The following TRIL variants were observed in gnomAD, a reference collection of about 807,000 sequenced individuals.
TRIL encodes the protein TLR4 interactor with leucine rich repeats.
TRIL carries 23 observed loss-of-function variants against 43.0 expected under a neutral mutation model. The observed-to-expected ratio is 0.54, with a 90% CI of 0.39 to 0.76. The LOEUF is 0.76. TRIL is among the 30% of genes least tolerant of loss of function. The probability of loss-of-function intolerance (pLI) is 0.00; values close to 1 mark genes in which losing one functional copy is unlikely to be tolerated. For synonymous variants in TRIL, 602 were observed against 556.8 expected (o/e 1.08, Z -1.14); for missense variants, 1,114 against 1,139.3 (o/e 0.98, Z 0.32).
In TRIL at chr7:28,957,539, G is replaced by A. The variant is rs564396786; in HGVS notation, c.508C>T (p.Leu170=). The part of the protein sequence containing the change: ...LRLDGNALGA[L]PDAVFAPLGN... ...AAGGGAGCGAAGACCGCGTCCGGCA[G>A]CGCCCCCAGGGCGTTCCCGTCCAGC... is the stretch of plus-strand genomic sequence containing the variant. Residue 170 remains leucine, a synonymous_variant, in exon 1 of 1, where the codon CTG becomes TTG. Transcript: ENST00000539664. 2 of 1,612,950 alleles carry A rather than the reference G, an allele frequency of 1.2e-6. No homozygotes were observed. The highest frequency in any genetic ancestry group is 2.2e-5 in the South Asian group (2 of 91,056).
Position 28,957,952 on chromosome 7 carries a change from T to G in TRIL, c.95A>C (p.Asp32Ala). ...CAGGAGATGCTGGGGATGCTGGCAGTCGCAGCGCTCCGGGCACACGGGCTC... is the reference window on the plus strand; with the variant it reads ...CAGGAGATGCTGGGGATGCTGGCAGGCGCAGCGCTCCGGGCACACGGGCTC... ...LAEPVCPERC[D>A]CQHPQHLLCT... Residue 32 changes from aspartate to alanine, a missense_variant, in exon 1 of 1, where the codon GAC (aspartate) becomes GCC (alanine). Coordinates refer to ENST00000539664, the MANE Select transcript of TRIL (RefSeq NM_014817.4). 1.2e-6 allele frequency: 2 copies of G among 1,606,948 alleles called. No homozygotes were observed. Among genetic ancestry groups the G allele is most frequent in the South Asian group, 1.1e-5 (1 of 91,066 alleles).
rs1455286936 is a variant in TRIL at position 28,954,707 on chromosome 7, G to A, written c.*904C>T. The stretch of plus-strand genomic sequence containing the variant: ...ATGTGGTAAGTGAACTGGAACACTG[G>A]TGTTCCCCAGTGGGTCATCAGCTAC... On this transcript the variant is annotated 3_prime_UTR_variant, in exon 1 of 1. Transcript: ENST00000539664. The A allele has an allele frequency of 6.6e-6, 1 of 152,136 alleles. No homozygotes were observed. Among genetic ancestry groups the A allele is most frequent in the Non-Finnish European group, 1.5e-5 (1 of 68,024 alleles). 9.4% of individuals were successfully genotyped at this position (152,136 alleles called of 1,614,324 possible).
rs1018839868 is a variant in TRIL, at chr7:28,958,305, T to G, written c.-259A>C. The G allele has an allele frequency of 4.5e-6, 2 of 440,038 alleles. No homozygotes were observed. Among genetic ancestry groups the G allele is most frequent in the African/African-American group, 4.1e-5 (2 of 48,538 alleles). The allele number at this position is 440,038 out of a possible 1,614,324, so 27.3% of individuals were successfully genotyped here. A position where few individuals can be genotyped will look rare whatever the true frequency, so the allele number is the denominator to read the frequency against. ...TGTTGCATTTCTGTATAAAACTGTT[T>G]CTCCGGGTGCGCGTCGGCGGGCGGG... On this transcript the variant is annotated 5_prime_UTR_variant, in exon 1 of 1. Transcript: ENST00000539664.
Position 28,955,485 on chromosome 7 carries a change from G to T in TRIL, c.*126C>A. On this transcript the variant is annotated 3_prime_UTR_variant, in exon 1 of 1. Transcript: ENST00000539664. ...GGAATTGGGGGATGGTGCCCGAATT[G>T]GCCCTCTGTCCCCACCGGCCTCTCT... 7.5e-7 allele frequency: 1 copy of T among 1,329,426 alleles called. No individual in the cohort carries two copies. The highest frequency in any genetic ancestry group is 9.9e-7 in the Non-Finnish European group (1 of 1,006,390). The allele number at this position is 1,329,426 out of a possible 1,614,324, so 82.4% of individuals were successfully genotyped here. A position where few individuals can be genotyped will look rare whatever the true frequency, so the allele number is the denominator to read the frequency against.
chr7:28,956,468 G>T lies in TRIL; in HGVS notation c.1579C>A (p.Leu527Ile). Residue 527 changes from leucine (L) to isoleucine (I), a missense_variant, in exon 1 of 1, where the codon CTC becomes ATC. Transcript: ENST00000539664. ...GAGGCCGTTGGGGTGGGCTCCGCGA[G>T]GGCGGGATCTGCCCGAGTCGGACGG... ...RGRPTRADPA[L>I]AEPTPTASPG... The T allele has an allele frequency of 6.4e-7, 1 of 1,553,026 alleles. No individual in the cohort carries two copies. Among genetic ancestry groups the T allele is most frequent in the East Asian group, 2.4e-5 (1 of 41,968 alleles).
In TRIL at chr7:28,955,837, T is replaced by C. The variant is rs552268645; in HGVS notation, c.2210A>G (p.His737Arg). The change falls in exon 1 of 1, where the codon CAC becomes CGC. Residue 737 changes from histidine (H) to arginine (R), a missense_variant. By Grantham distance (29) the His-to-Arg change is conservative (BLOSUM62 0). Coordinates refer to ENST00000539664, the MANE Select transcript of TRIL (RefSeq NM_014817.4). ...RARRKGGAPV[H>R]VRHMYSTRRP... ...TCGGGTGGAGTACATGTGCCGAACG[T>C]GGACCGGGGCCCCGCCCTTCCGCCT... 1.8e-4 allele frequency: 273 copies of C among 1,549,772 alleles called. 2 individuals are homozygous for C. Among genetic ancestry groups the C allele is most frequent in the South Asian group, 1.4e-3 (115 of 83,994 alleles).
chr7:28,956,733 C>A lies in TRIL; in HGVS notation c.1314G>T (p.Glu438Asp). Residue 438 changes from glutamate to aspartate, a missense_variant, in exon 1 of 1, where the codon GAG becomes GAT. Coordinates refer to ENST00000539664, the MANE Select transcript of TRIL (RefSeq NM_014817.4). The part of the protein sequence containing the change: ...RRQPLPTAAG[E>D]EMTPPAGLAE... ...CGAGACCTGCAGGTGGCGTCATCTC[C>A]TCCCCTGCGGCCGTGGGTAGGGGCT... 1 of 1,605,600 alleles carries A rather than the reference C, an allele frequency of 6.2e-7. No individual in the cohort carries two copies. The highest frequency in any genetic ancestry group is 8.5e-7 in the Non-Finnish European group (1 of 1,178,760).
In TRIL at chr7:28,958,278, C is replaced by T. The variant is rs555045239; in HGVS notation, c.-232G>A. Reference sequence around the variant, plus strand: ...GGCGCTCTGCAGACCCCGGGTACTACTTGTTGCATTTCTGTATAAAACTGT... The same window carrying T: ...GGCGCTCTGCAGACCCCGGGTACTATTTGTTGCATTTCTGTATAAAACTGT... On this transcript the variant is annotated 5_prime_UTR_variant, in exon 1 of 1. Coordinates refer to ENST00000539664, the MANE Select transcript of TRIL (RefSeq NM_014817.4). 102 of 531,534 alleles carry T rather than the reference C, an allele frequency of 1.9e-4. 1 individual carries two copies. The South Asian group carries it at 2.8e-3, about 15-fold the overall frequency. The allele number at this position is 531,534 out of a possible 1,614,324, so 32.9% of individuals were successfully genotyped here.
At position 28,956,255 on chromosome 7, in the gene TRIL, C is replaced by G; in HGVS notation, c.1792G>C (p.Asp598His). 2 of 1,547,172 alleles carry G rather than the reference C, an allele frequency of 1.3e-6. No individual in the cohort carries two copies. The highest frequency in any genetic ancestry group is 2.4e-5 in the East Asian group (1 of 41,648). The change falls in exon 1 of 1, where the codon GAC (aspartate) becomes CAC (histidine). Residue 598 changes from aspartate (D) to histidine (H), a missense_variant. Coordinates refer to ENST00000539664, the MANE Select transcript of TRIL (RefSeq NM_014817.4). ...CNLTVEAVGA[D>H]SASVRWAVRE... Reference sequence around the variant, plus strand: ...ACGGCCCAGCGCACCGAGGCGCTGTCTGCGCCCACCGCCTCCACCGTCAGG... The same window carrying G: ...ACGGCCCAGCGCACCGAGGCGCTGTGTGCGCCCACCGCCTCCACCGTCAGG...
In TRIL at chr7:28,955,686, G is replaced by A. The variant is rs1255557011; in HGVS notation, c.2361C>T (p.Phe787=). ...CCGCGCCGCCGCCCGCACTGTCCAT[G>A]AAGCGGTCGCAGGGGAATTCGATGA... ...ADLIEFPCDR[F]MDSAGGGAGG... is the part of the protein sequence containing the mutation. Residue 787 remains phenylalanine, a synonymous_variant, in exon 1 of 1, where the codon TTC becomes TTT. Transcript: ENST00000539664. 1 of 1,549,392 alleles carries A rather than the reference G, an allele frequency of 6.5e-7. No individual in the cohort carries two copies. The highest frequency in any genetic ancestry group is 8.7e-7 in the Non-Finnish European group (1 of 1,146,806).
In TRIL at chr7:28,958,160, C is replaced by T. The variant is rs538903688; in HGVS notation, c.-114G>A. The T allele has an allele frequency of 1.5e-6, 2 of 1,357,922 alleles. No homozygotes were observed. Among genetic ancestry groups the T allele is most frequent in the South Asian group, 1.6e-5 (1 of 62,218 alleles). The allele number at this position is 1,357,922 out of a possible 1,614,324, so 84.1% of individuals were successfully genotyped here. On this transcript the variant is annotated 5_prime_UTR_variant, in exon 1 of 1. Coordinates refer to ENST00000539664, the MANE Select transcript of TRIL (RefSeq NM_014817.4). ...TCGCTAAATGGCCTCTTTCGGACTT[C>T]GCAGCGCCGTCCAGCCCCTCCTCCG...
chr7:28,957,456 G>A lies in TRIL; in HGVS notation c.591C>T (p.Asn197=), dbSNP rs374344623. 65 of 1,613,256 alleles carry A rather than the reference G, an allele frequency of 4.0e-5. No individual in the cohort carries two copies. The highest frequency in any genetic ancestry group is 5.1e-5 in the Non-Finnish European group (60 of 1,179,874). ...ESNRIRFLGK[N]AFAQLGKLRF... The stretch of plus-strand genomic sequence containing the variant: ...GCAGCTTGCCTAGCTGGGCGAAGGC[G>A]TTCTTGCCCAGAAAGCGGATCCGGT... The change falls in exon 1 of 1, where the codon AAC becomes AAT. Residue 197 remains asparagine, a synonymous_variant. Transcript: ENST00000539664.
At position 28,954,189 on chromosome 7, in the gene TRIL, G is replaced by A. The variant is rs1783362843; in HGVS notation, c.*1422C>T. On this transcript the variant is annotated 3_prime_UTR_variant, in exon 1 of 1. Coordinates refer to ENST00000539664, the MANE Select transcript of TRIL (RefSeq NM_014817.4). ...AACCACTACACTTAGTGATAAACATGTACTTCATAAATAGCAGGGAATGAA... is the reference window on the plus strand; with the variant it reads ...AACCACTACACTTAGTGATAAACATATACTTCATAAATAGCAGGGAATGAA... 1 of 152,498 alleles carries A rather than the reference G, an allele frequency of 6.6e-6. No homozygotes were observed. Among genetic ancestry groups the A allele is most frequent in the Non-Finnish European group, 1.5e-5 (1 of 68,030 alleles). The allele number at this position is 152,498 out of a possible 1,614,324, so 9.4% of individuals were successfully genotyped here. A position where few individuals can be genotyped will look rare whatever the true frequency, so the allele number is the denominator to read the frequency against.
In TRIL at chr7:28,956,391, C is replaced by T; in HGVS notation, c.1656G>A (p.Lys552=). The T allele has an allele frequency of 6.5e-7, 1 of 1,535,286 alleles. No individual in the cohort carries two copies. The highest frequency in any genetic ancestry group is 8.7e-7 in the Non-Finnish European group (1 of 1,146,824). ...PAGDPWQRAT[K]HRLGTEHQER... ...CCTGGTGCTCCGTGCCCAGACGATG[C>T]TTCGTCGCGCGCTGCCAGGGGTCGC... is the stretch of plus-strand genomic sequence containing the variant. Residue 552 remains lysine, a synonymous_variant, in exon 1 of 1, where the codon AAG becomes AAA. Transcript: ENST00000539664.
Position 28,958,146 on chromosome 7 carries a change from C to T in TRIL, c.-100G>A. 7.1e-7 allele frequency: 1 copy of T among 1,405,028 alleles called. No homozygotes were observed. Among genetic ancestry groups the T allele is most frequent in the Non-Finnish European group, 9.3e-7 (1 of 1,071,878 alleles). 87.0% of individuals were successfully genotyped at this position (1,405,028 alleles called of 1,614,324 possible). A position where few individuals can be genotyped will look rare whatever the true frequency, so the allele number is the denominator to read the frequency against. ...TAGCCTGGCCAGAGTCGCTAAATGG[C>T]CTCTTTCGGACTTCGCAGCGCCGTC... is the stretch of plus-strand genomic sequence containing the variant. On this transcript the variant is annotated 5_prime_UTR_variant, in exon 1 of 1. Coordinates refer to ENST00000539664, the MANE Select transcript of TRIL (RefSeq NM_014817.4).
Position 28,956,314 on chromosome 7 carries a change from T to G in TRIL, c.1733A>C (p.Asp578Ala). 1 of 1,540,292 alleles carries G rather than the reference T, an allele frequency of 6.5e-7. No homozygotes were observed. The highest frequency in any genetic ancestry group is 1.2e-5 in the South Asian group (1 of 83,562). ...AATGAACTTGTTGAAGTCGCATGGG[T>G]CGGACACCAGCGGCGGCAGCCCGGC... ...GGAGLPPLVS[D>A]PCDFNKFILC... Residue 578 changes from aspartate to alanine, a missense_variant, in exon 1 of 1, where the codon GAC becomes GCC. Asp to Ala is a moderately radical substitution (Grantham distance 126). Coordinates refer to ENST00000539664, the MANE Select transcript of TRIL (RefSeq NM_014817.4).
In TRIL at chr7:28,956,044, C is replaced by A; in HGVS notation, c.2003G>T (p.Arg668Leu). 2 of 1,549,996 alleles carry A rather than the reference C, an allele frequency of 1.3e-6. No homozygotes were observed. The highest frequency in any genetic ancestry group is 1.7e-6 in the Non-Finnish European group (2 of 1,152,224). Residue 668 changes from arginine (R) to leucine (L), a missense_variant, in exon 1 of 1, where the codon CGT becomes CTT. By Grantham distance (102) the Arg-to-Leu change is moderately radical. Transcript: ENST00000539664. ...LVCVEGVLGG[R>L]VCPVAPRDHC... is the part of the protein sequence containing the mutation. ...GTCCCGGGGAGCCACAGGGCAGACACGGCCCCCAAGCACGCCCTCCACGCA... is the reference window on the plus strand; with the variant it reads ...GTCCCGGGGAGCCACAGGGCAGACAAGGCCCCCAAGCACGCCCTCCACGCA...
rs925010127 is a variant in TRIL at position 28,955,280 on chromosome 7, G to A, written c.*331C>T. The A allele has an allele frequency of 1.5e-5, 5 of 343,342 alleles. No individual in the cohort carries two copies. Among genetic ancestry groups the A allele is most frequent in the Non-Finnish European group, 2.6e-5 (5 of 191,084 alleles). The allele number at this position is 343,342 out of a possible 1,614,324, so 21.3% of individuals were successfully genotyped here. On this transcript the variant is annotated 3_prime_UTR_variant, in exon 1 of 1. Transcript: ENST00000539664. Reference sequence around the variant, plus strand: ...CCAAATATTTCTGGCCATGTTGGGGGCACAAGCACCCCCTTTCTACCCCCA... The same window carrying A: ...CCAAATATTTCTGGCCATGTTGGGGACACAAGCACCCCCTTTCTACCCCCA...
Position 28,956,556 on chromosome 7 carries a change from G to C in TRIL, c.1491C>G (p.Ser497=). 6.4e-7 allele frequency: 1 copy of C among 1,553,942 alleles called. No individual in the cohort carries two copies. Among genetic ancestry groups the C allele is most frequent in the African/African-American group, 1.4e-5 (1 of 72,668 alleles). Residue 497 remains serine (S), a synonymous_variant, in exon 1 of 1, where the codon TCC becomes TCG. Coordinates refer to ENST00000539664, the MANE Select transcript of TRIL (RefSeq NM_014817.4). ...RGPGLQQPSP[S]VAAAAGPAPQ... ...GAGCCGGGCCCGCGGCGGCAGCGAC[G>C]GAGGGGCTGGGCTGCTGGAGGCCCG...
Sources: gnomAD v4.1 joint callset for allele counts on GRCh38, gnomAD v4.1.1 for gene constraint, MANE v1.5 for transcripts, NCBI Gene and HGNC (gene_info 2026-07-23, HGNC 2026-07-21) for gene names.